DGKH: variants seen among roughly 807,000 people sequenced by gnomAD.
DGKH encodes the protein DAG kinase eta.
In DGKH, 90 loss-of-function variants were observed where a neutral mutation model predicts 159.3. The ratio of observed to expected loss-of-function variants is 0.57; its 90% CI spans 0.48 to 0.67. The LOEUF is 0.67. Among genes scored for constraint, DGKH ranks in the 30% least tolerant of loss-of-function variants. The pLI is 0.00. For missense variants in DGKH, 1,181 were observed against 1,506.1 expected (o/e 0.78, Z 3.57); for synonymous variants, 536 against 553.8 (o/e 0.97, Z 0.45).
intron 1 of DGKH, among the ~76,000 whole-genome samples, chr13:42,083,467 A>G (rs1954246690): frequency 6.6e-6 from 1 of 152,246 alleles, no homozygotes; most frequent in Non-Finnish European, 1.5e-5. Context: ...CCATAGTTAT[A>G]CAAATGCAAG....
At chr13:42,080,836 T>C (rs983181587) in intron 1 of DGKH, among the ~76,000 whole-genome samples, 3 of 152,188 alleles carry the variant, frequency 2.0e-5, no homozygotes, top group Middle Eastern at 3.2e-3. Context: ...GAGTTTTATA[T>C]ATTACAGCTT....
At chr13:42,206,661 G>A (rs1957480395) in intron 21 of DGKH, among the ~76,000 whole-genome samples, 2 of 152,042 alleles carry the variant, frequency 1.3e-5, no homozygotes, top group South Asian at 4.1e-4. Context: ...TGTCTTTGGA[G>A]CGTCTCGAGG....
intron 11 of DGKH, among the ~76,000 whole-genome samples, chr13:42,170,260 C>T (rs1299079004): frequency 6.6e-6 from 1 of 152,098 alleles, no homozygotes; most frequent in Non-Finnish European, 1.5e-5. Flanking sequence ...TAGAAATTCA[C>T]TTCTCAGTCG....
intron 1 of DGKH, among the ~76,000 whole-genome samples, chr13:42,122,455 C>G (rs1261728397): frequency 6.6e-6 from 1 of 152,168 alleles, no homozygotes; most frequent in African/African-American, 2.4e-5. Context: ...GCTGAGCATG[C>G]TAATGTGCTA....
At chr13:42,086,671 C>A (rs1178110297) in intron 1 of DGKH, among the ~76,000 whole-genome samples, 2 of 152,154 alleles carry the variant, frequency 1.3e-5, no homozygotes, top group Non-Finnish European at 2.9e-5. Flanking sequence ...CCTTAAAGAA[C>A]TATTCTAAAC....
intron 1 of DGKH, among the ~76,000 whole-genome samples, chr13:42,106,336 G>A (rs115399898): frequency 3.5e-4 from 53 of 152,228 alleles, no homozygotes; most frequent in African/African-American, 1.3e-3. Flanking sequence ...TAGGCATCTG[G>A]ATGAAGTCAT....
chr13:42,233,782 C>G lies in DGKH; in HGVS notation c.*4594C>G, dbSNP rs375243799. 6.6e-6 allele frequency: 1 copy of G among 152,172 alleles called. No homozygotes were observed. The highest frequency in any genetic ancestry group is 1.5e-5 in the Non-Finnish European group (1 of 68,032). 9.4% of individuals were successfully genotyped at this position (152,172 alleles called of 1,614,324 possible). Reference sequence around the variant, plus strand: ...TGTTCATTTGTTCACAACTTAATCACGGGGGACATTTCAGAAAAATGTGTA... The same window carrying G: ...TGTTCATTTGTTCACAACTTAATCAGGGGGGACATTTCAGAAAAATGTGTA... On this transcript the variant is annotated 3_prime_UTR_variant, in exon 30 of 30. Coordinates refer to ENST00000337343, the MANE Select transcript of DGKH (RefSeq NM_178009.5).
chr13:42,156,690 T>C (rs1335333883), intron 5 of DGKH, among the ~76,000 whole-genome samples: 2 of 152,234 alleles, frequency 1.3e-5, no homozygotes, highest in African/African-American at 4.8e-5. Context: ...CAGCTTTTTT[T>C]CTCTAATCCA....
intron 20 of DGKH, among the ~76,000 whole-genome samples, chr13:42,205,088 T>C (rs913336192): frequency 2.0e-5 from 3 of 152,216 alleles, no homozygotes; most frequent in South Asian, 2.1e-4. Flanking sequence ...AATGAAAATA[T>C]AGCATCCATT....
At chr13:42,065,551 A>C (rs961321627) in intron 1 of DGKH, among the ~76,000 whole-genome samples, 4 of 152,192 alleles carry the variant, frequency 2.6e-5, no homozygotes, top group African/African-American at 7.2e-5. Flanking sequence ...AGAGGAGAGA[A>C]TCACTTTATG....
chr13:42,134,768 C>T (rs571705325), intron 3 of DGKH, among the ~76,000 whole-genome samples: 66 of 152,042 alleles, frequency 4.3e-4, no homozygotes, highest in African/African-American at 1.4e-3. Flanking sequence ...TTTGGGAGGC[C>T]CAGGCAGGTG....
chr13:42,059,422 G>T (rs1881985146), intron 1 of DGKH, among the ~76,000 whole-genome samples: 1 of 151,962 alleles, frequency 6.6e-6, no homozygotes, highest in Admixed American at 6.5e-5. Context: ...GCTAATTATT[G>T]TATTTTTAGT....
chr13:42,080,277 T>C (rs1954175394), intron 1 of DGKH, among the ~76,000 whole-genome samples: 1 of 152,218 alleles, frequency 6.6e-6, no homozygotes, highest in Non-Finnish European at 1.5e-5. Flanking sequence ...ACAGAAGGCA[T>C]TTAACTGCAC....
At chr13:42,063,604 C>T (rs1240429650) in intron 1 of DGKH, among the ~76,000 whole-genome samples, 2 of 152,134 alleles carry the variant, frequency 1.3e-5, no homozygotes, top group Non-Finnish European at 2.9e-5. Flanking sequence ...TGGGGTCAAG[C>T]TACAGCTTTT....
chr13:42,223,521 G>A (rs1256043909), intron 29 of DGKH, among the ~76,000 whole-genome samples: 3 of 152,006 alleles, frequency 2.0e-5, no homozygotes, highest in African/African-American at 7.3e-5. Context: ...CAGCACTTTG[G>A]GAGTCCGAGG....
intron 1 of DGKH, chr13:42,068,901 A>G: frequency 9.2e-7 from 1 of 1,083,724 alleles, no homozygotes; most frequent in Non-Finnish European, 1.3e-6. Context: ...ACATTTCATA[A>G]GAATACAAAG....
chr13:42,222,196 C>T (rs1957993156), intron 29 of DGKH, among the ~76,000 whole-genome samples: 1 of 152,136 alleles, frequency 6.6e-6, no homozygotes, highest in Non-Finnish European at 1.5e-5. Context: ...ATTTTCTTAC[C>T]ACATATTGCC....
In DGKH at chr13:42,168,315, T is replaced by TA. The variant is rs1442329811; in HGVS notation, c.1119-123dup. On this transcript the variant is annotated intron_variant, in intron 9 of 29. Transcript: ENST00000337343. ...TACACTTCAGTGAATGTTTATGGTA[T>TA]AATTAACATGTAAGTAGGAGTTCTT... is the stretch of plus-strand genomic sequence containing the variant. 5 of 744,002 alleles carry TA rather than the reference T, an allele frequency of 6.7e-6. 1 individual carries two copies. The highest frequency in any genetic ancestry group is 1.1e-5 in the Non-Finnish European group (5 of 475,122). The allele number at this position is 744,002 out of a possible 1,614,324, so 46.1% of individuals were successfully genotyped here. A position where few individuals can be genotyped will look rare whatever the true frequency, so the allele number is the denominator to read the frequency against.
intron 3 of DGKH, among the ~76,000 whole-genome samples, chr13:42,151,650 A>AATAT: frequency 6.7e-6 from 1 of 149,796 alleles, no homozygotes; most frequent in East Asian, 2.0e-4. Flanking sequence ...AAAAGAATAA[A>AATAT]ATATATATAT....
Sources: gnomAD v4.1 joint callset for allele counts (sites outside exome capture counted in the v4.1 genomes callset) on GRCh38, gnomAD v4.1.1 for gene constraint, MANE v1.5 for transcripts, NCBI Gene and HGNC (gene_info 2026-07-23, HGNC 2026-07-21) for gene names.